ARL15: variants seen among roughly 807,000 people sequenced by gnomAD.
The protein encoded by ARL15 is ADP-ribosylation factor-like protein 15.
In ARL15, 19 loss-of-function variants were observed where a neutral mutation model predicts 25.2. That is an observed-to-expected ratio of 0.75 (90% CI 0.53 to 1.10). The LOEUF is 1.10. ARL15 is among the 50% of genes least tolerant of loss of function. The pLI is 0.00. For synonymous variants in ARL15, 94 were observed against 86.8 expected, an observed-to-expected ratio of 1.08 and a Z score of -0.46; for missense variants, 220 against 246.0, an observed-to-expected ratio of 0.89 and a Z score of 0.71.
chr5:54,170,302 T>C (rs530461207), intron 2 of ARL15, among the ~76,000 whole-genome samples: 4 of 152,300 alleles, frequency 2.6e-5, no homozygotes, highest in Admixed American at 2.6e-4. Flanking sequence ...ACCATCACAG[T>C]AATCTTCTGC....
chr5:54,221,831 A>G (rs1336834633), intron 1 of ARL15, among the ~76,000 whole-genome samples: 14 of 68,984 alleles, frequency 2.0e-4, no homozygotes, highest in South Asian at 4.3e-4. Flanking sequence ...ACATGCACAC[A>G]CACACACACA....
chr5:54,154,310 C>A, intron 3 of ARL15: 1 of 281,770 alleles, frequency 3.5e-6, no homozygotes, highest in Non-Finnish European at 6.5e-6. Flanking sequence ...ATTTTTTGAA[C>A]AAGTAAAACC....
chr5:53,972,631 CATTATA>C (rs1339234738), intron 4 of ARL15, among the ~76,000 whole-genome samples: 3 of 151,804 alleles, frequency 2.0e-5, no homozygotes, highest in African/African-American at 7.3e-5. Context: ...TAATATAAAA[CATTATA>C]ATTATGACTT....
intron 1 of ARL15, among the ~76,000 whole-genome samples, chr5:54,227,357 G>A (rs1719723649): frequency 6.6e-6 from 1 of 152,176 alleles, no homozygotes; most frequent in Admixed American, 6.5e-5. Flanking sequence ...ACTAACACAA[G>A]ACCTAACCTC....
intron 3 of ARL15, chr5:54,154,291 T>C (rs1386072381): frequency 3.9e-6 from 1 of 259,508 alleles, no homozygotes; most frequent in Non-Finnish European, 7.2e-6. Context: ...TCATATGTTT[T>C]ATTCAAGAAT....
intron 4 of ARL15, among the ~76,000 whole-genome samples, chr5:53,977,228 G>T (rs1747962020): frequency 1.3e-5 from 2 of 151,934 alleles, no homozygotes. Context: ...GTGGTGGCGG[G>T]CGCCTGTAGT....
chr5:54,231,976 C>A (rs1435241627), intron 1 of ARL15, among the ~76,000 whole-genome samples: 2 of 152,168 alleles, frequency 1.3e-5, no homozygotes, highest in African/African-American at 4.8e-5. Flanking sequence ...AAGTGAAGGC[C>A]TGACCACTTA....
intron 4 of ARL15, among the ~76,000 whole-genome samples, chr5:54,098,572 G>T (rs1314760973): frequency 1.3e-5 from 2 of 152,086 alleles, no homozygotes; most frequent in East Asian, 3.9e-4. Context: ...TGAGCGTGGG[G>T]TCACCCAGAT....
chr5:53,940,806 G>A (rs1746519471), intron 4 of ARL15, among the ~76,000 whole-genome samples: 1 of 152,140 alleles, frequency 6.6e-6, no homozygotes, highest in Admixed American at 6.5e-5. Context: ...TAATTTGAAT[G>A]TACATTTTAT....
intron 1 of ARL15, among the ~76,000 whole-genome samples, chr5:54,263,098 A>C (rs1048735204): frequency 2.6e-5 from 4 of 152,136 alleles, no homozygotes; most frequent in Non-Finnish European, 5.9e-5. Context: ...GGCATGGTAC[A>C]ATATTTTAGA....
chr5:54,092,306 C>T (rs919415061), intron 4 of ARL15, among the ~76,000 whole-genome samples: 4 of 152,142 alleles, frequency 2.6e-5, no homozygotes, highest in Non-Finnish European at 4.4e-5. Context: ...CTAAAGAGTA[C>T]ATTTTATTTA....
chr5:53,926,742 T>A (rs1445040233), intron 4 of ARL15, among the ~76,000 whole-genome samples: 3 of 152,120 alleles, frequency 2.0e-5, no homozygotes, highest in African/African-American at 7.2e-5. Context: ...CTCTCTGCCA[T>A]CCATGCTCTT....
intron 1 of ARL15, among the ~76,000 whole-genome samples, chr5:54,221,896 G>C (rs1046498070): frequency 1.3e-5 from 2 of 150,096 alleles, no homozygotes; most frequent in African/African-American, 4.9e-5. Context: ...ATGTGTGCAT[G>C]CACAGTGTGT....
At chr5:54,042,082 T>C (rs1216525171) in intron 4 of ARL15, among the ~76,000 whole-genome samples, 2 of 151,852 alleles carry the variant, frequency 1.3e-5, no homozygotes, top group African/African-American at 4.8e-5. Context: ...GCGATTCTTC[T>C]GTCTCAGCCT....
At chr5:54,031,908 A>G (rs547419661) in intron 4 of ARL15, among the ~76,000 whole-genome samples, 17 of 152,340 alleles carry the variant, frequency 1.1e-4, no homozygotes, top group African/African-American at 4.1e-4. Context: ...GGATGTTTGG[A>G]AATTTTGTGA....
chr5:54,091,874 T>C (rs1372654920), intron 4 of ARL15, among the ~76,000 whole-genome samples: 4 of 152,122 alleles, frequency 2.6e-5, no homozygotes, highest in South Asian at 2.1e-4. Context: ...GGGTATACCA[T>C]AGAGGGCGGA....
chr5:54,238,376 A>T (rs1348684425), intron 1 of ARL15, among the ~76,000 whole-genome samples: 2 of 152,152 alleles, frequency 1.3e-5, no homozygotes, highest in African/African-American at 4.8e-5. Context: ...ATCACAAAAA[A>T]CAATAAGAAT....
chr5:54,184,602 G>GAA (rs1755181559), intron 1 of ARL15, among the ~76,000 whole-genome samples: 1 of 120,776 alleles, frequency 8.3e-6, no homozygotes, highest in Non-Finnish European at 1.7e-5. Flanking sequence ...ACTGAAGCTA[G>GAA]AAAGGCTTAT....
At chr5:54,104,090 G>C (rs922614185) in intron 4 of ARL15, among the ~76,000 whole-genome samples, 1 of 152,040 alleles carries the variant, frequency 6.6e-6, no homozygotes, top group African/African-American at 2.4e-5. Flanking sequence ...GGCTCTTCCC[G>C]TTCCCCTCTT....
Sources: allele counts gnomAD v4.1 joint callset (sites outside exome capture counted in the v4.1 genomes callset), GRCh38; gene constraint gnomAD v4.1.1; transcripts MANE v1.5; gene names NCBI Gene and HGNC (gene_info 2026-07-23, HGNC 2026-07-21).